The following OGT variants were observed in gnomAD, a reference collection of about 807,000 sequenced individuals.
The protein encoded by OGT is UDP-N-acetylglucosamine--peptide N-acetylglucosaminyltransferase 110 kDa subunit.
A neutral mutation model predicts 75.8 loss-of-function variants in OGT; 3 were observed. The ratio of observed to expected loss-of-function variants is 0.04; its 90% confidence interval spans 0.02 to 0.10. The LOEUF is 0.10. Ranked by LOEUF, OGT falls within the 10% of genes least tolerant of loss-of-function variation. The probability of loss-of-function intolerance (pLI) is 1.00; values close to 1 mark genes in which losing one functional copy is unlikely to be tolerated. For synonymous variants in OGT, 257 were observed against 289.7 expected (o/e 0.89, Z 1.15); for missense variants, 260 against 824.4 (o/e 0.32, Z 8.38).
chrX:71,536,567 C>T, intron 2 of OGT: 1 of 320,452 alleles, frequency 3.1e-6, no homozygotes, highest in Non-Finnish European at 5.4e-6. Flanking sequence ...ATCAGTATGA[C>T]TAGGGACCTT....
chrX:71,551,806 G>A (rs2040306084), intron 5 of OGT, among the ~76,000 whole-genome samples: 1 of 111,614 alleles, frequency 9.0e-6, no homozygotes, highest in Non-Finnish European at 1.9e-5. Context: ...GATATACACG[G>A]GACAGGAAAC....
At chrX:71,544,209 G>T (rs1327399862) in intron 3 of OGT, among the ~76,000 whole-genome samples, 1 of 111,811 alleles carries the variant, frequency 8.9e-6, no homozygotes, top group Non-Finnish European at 1.9e-5. Context: ...GAATTTTTAG[G>T]ATATTAGAAA....
intron 3 of OGT, among the ~76,000 whole-genome samples, chrX:71,540,671 CA>C (rs2040211166): frequency 9.5e-6 from 1 of 105,634 alleles, no homozygotes. Context: ...TTTAGTCTGT[CA>C]TTTTTTTTTT....
chrX:71,545,593 G>T (rs1038059418), intron 4 of OGT: 1 of 112,538 alleles, frequency 8.9e-6, no homozygotes, highest in Non-Finnish European at 1.9e-5. Context: ...ATGCTAATGC[G>T]TGGAGTGTAT....
chrX:71,549,295 C>CAAA lies in OGT; in HGVS notation c.648+1298_648+1300dup, dbSNP rs35779562. 1.3e-3 allele frequency among the ~76,000 whole-genome samples: 28 copies of CAAA among 21,808 alleles called. 1 individual carries two copies. Among genetic ancestry groups the CAAA allele is most frequent in the African/African-American group, 1.9e-3 (11 of 5,806 alleles). The allele number at this position is 21,808 out of a possible 115,157, so 18.9% of individuals were successfully genotyped here. ...TGGGTGACAAAGTGAGGCCCTGTCT[C>CAAA]AAAAAAAAAAAAAAAAAAAAAAAAA... On this transcript the variant is annotated intron_variant, in intron 5 of 21. Coordinates refer to ENST00000373719, the MANE Select transcript of OGT (RefSeq NM_181672.3).
At chrX:71,534,044 C>A (rs774181584) in intron 1 of OGT, among the ~76,000 whole-genome samples, 1 of 111,167 alleles carries the variant, frequency 9.0e-6, no homozygotes, top group Non-Finnish European at 1.9e-5. Flanking sequence ...ATTTCCCACC[C>A]TGTCCGCGGG....
intron 3 of OGT, among the ~76,000 whole-genome samples, chrX:71,542,564 A>G (rs906595688): frequency 3.7e-4 from 42 of 112,329 alleles, no homozygotes; most frequent in African/African-American, 1.3e-3. Flanking sequence ...CATAGAAACT[A>G]GAGGGTAATA....
chrX:71,535,569 G>GT (rs1286129430), intron 1 of OGT, among the ~76,000 whole-genome samples: 1 of 111,485 alleles, frequency 9.0e-6, no homozygotes, highest in East Asian at 2.8e-4. Flanking sequence ...TGACTTTTTG[G>GT]TTTTTCCCTT....
chrX:71,565,180 T>C (rs1179717908), intron 19 of OGT, among the ~76,000 whole-genome samples: 1 of 112,254 alleles, frequency 8.9e-6, no homozygotes, highest in African/African-American at 3.2e-5. Context: ...TTTTTAAAAA[T>C]ACTTTTTAAA....
rs768684322 is a variant in OGT at position 71,536,406 on chromosome X, G to C, written c.218+48G>C. ...CTCGTGATTGCTGCCTCTGGGTGCT[G>C]AGCTTGAAAAATGATACTTAAATAT... On this transcript the variant is annotated intron_variant, in intron 2 of 21. Transcript: ENST00000373719. The C allele has an allele frequency of 1.4e-5, 14 of 991,965 alleles. No homozygotes were observed. The South Asian group carries it at 4.3e-4, about 31-fold the overall frequency. 81.7% of individuals were successfully genotyped at this position (991,965 alleles called of 1,213,427 possible). A position where few individuals can be genotyped will look rare whatever the true frequency, so the allele number is the denominator to read the frequency against.
chrX:71,560,606 A>G (rs1304336862), intron 14 of OGT, among the ~76,000 whole-genome samples: 7 of 111,972 alleles, frequency 6.3e-5, no homozygotes, highest in Non-Finnish European at 1.3e-4. Context: ...GTGTATGTGT[A>G]TATATATATG....
chrX:71,569,532 C>T (rs2040439345), intron 21 of OGT, among the ~76,000 whole-genome samples: 1 of 110,032 alleles, frequency 9.1e-6, no homozygotes, highest in South Asian at 3.9e-4. Context: ...ACTCTGTTGC[C>T]TAGGTTGGAA....
At position 71,574,662 on chromosome X, in the gene OGT, C is replaced by G. The variant is rs1001211413; in HGVS notation, c.*868C>G. 9.2e-6 allele frequency: 1 copy of G among 108,340 alleles called. No individual in the cohort carries two copies. The highest frequency in any genetic ancestry group is 3.4e-5 in the African/African-American group (1 of 29,717). 8.9% of individuals were successfully genotyped at this position (108,340 alleles called of 1,213,427 possible). A position where few individuals can be genotyped will look rare whatever the true frequency, so the allele number is the denominator to read the frequency against. On this transcript the variant is annotated 3_prime_UTR_variant, in exon 22 of 22. Coordinates refer to ENST00000373719, the MANE Select transcript of OGT (RefSeq NM_181672.3). ...GTTTTTTTTTTTTTCCTAATTTTGACCTGTTTCACCAGTGTTTTACCCTTG... is the reference window on the plus strand; with the variant it reads ...GTTTTTTTTTTTTTCCTAATTTTGAGCTGTTTCACCAGTGTTTTACCCTTG...
chrX:71,542,060 G>A (rs2040223287), intron 3 of OGT, among the ~76,000 whole-genome samples: 1 of 111,757 alleles, frequency 8.9e-6, no homozygotes, highest in African/African-American at 3.3e-5. Context: ...CATTTAGTGT[G>A]TGCCTTGTCT....
At chrX:71,565,064 C>CA (rs1237966695) in intron 19 of OGT, among the ~76,000 whole-genome samples, 2 of 112,011 alleles carry the variant, frequency 1.8e-5, no homozygotes, top group Non-Finnish European at 3.8e-5. Flanking sequence ...GAGGCTGAGA[C>CA]AGGAGAATCA....
rs897270539 is a variant in OGT, at chrX:71,533,311, C to T, written c.12C>T (p.Ser4=). MAS[S]VGNVADSTEP... is the part of the protein sequence containing the mutation. ...TCGAGAAGCTCCAGATGGCGTCTTC[C>T]GTGGGCAACGTGGCCGACAGCACAG... Residue 4 remains serine (S), a synonymous_variant, in exon 1 of 22, where the codon TCC becomes TCT. Transcript: ENST00000373719. 1 of 1,199,379 alleles carries T rather than the reference C, an allele frequency of 8.3e-7. No homozygotes were observed. Among genetic ancestry groups the T allele is most frequent in the Non-Finnish European group, 1.1e-6 (1 of 889,229 alleles).
intron 14 of OGT, 24 bp from the exon 15 acceptor site, chrX:71,561,747 TAGTG>T: frequency 8.7e-7 from 1 of 1,152,169 alleles, no homozygotes; most frequent in South Asian, 2.0e-5. Context: ...AGATTATACA[TAGTG>T]AGTTCTTATT....
Position 71,557,007 on chromosome X carries a change from A to T in OGT, c.1222A>T (p.Met408Leu). The T allele has an allele frequency of 8.3e-7, 1 of 1,209,668 alleles. No homozygotes were observed. The highest frequency in any genetic ancestry group is 1.1e-6 in the Non-Finnish European group (1 of 893,624). Residue 408 changes from methionine to leucine, a missense_variant, in exon 10 of 22, where the codon ATG (methionine) becomes TTG (leucine). Coordinates refer to ENST00000373719, the MANE Select transcript of OGT (RefSeq NM_181672.3). ...TAATATGGGAAACACTCTAAAGGAG[A>T]TGCAGGATGTTCAGGGAGCCTTGCA... ...YSNMGNTLKEMQDVQGALQCY... is the reference protein window; with the variant it reads ...YSNMGNTLKELQDVQGALQCY...
chrX:71,556,181 A>C, intron 8 of OGT, 87 bp downstream of exon 8: 1 of 1,006,401 alleles, frequency 9.9e-7, no homozygotes, highest in South Asian at 2.3e-5. Context: ...TTTTGTAAAA[A>C]TAGTGGTTGA....
Sources: gnomAD v4.1 joint callset for allele counts (sites outside exome capture counted in the v4.1 genomes callset) on GRCh38, gnomAD v4.1.1 for gene constraint, MANE v1.5 for transcripts, NCBI Gene and HGNC (gene_info 2026-07-23, HGNC 2026-07-21) for gene names.